The following ATP13A4 variants were observed in gnomAD, a reference collection of about 807,000 sequenced individuals.
The protein encoded by ATP13A4 is probable cation-transporting ATPase 13A4.
ATP13A4 carries 114 observed loss-of-function variants against 142.5 expected under a neutral mutation model. The observed-to-expected ratio is 0.80, with a 90% CI of 0.69 to 0.93. The LOEUF (loss-of-function observed/expected upper bound fraction) is 0.93, where lower values mean the gene tolerates loss of function less well. Among genes scored for constraint, ATP13A4 ranks in the 40% least tolerant of loss-of-function variants. The pLI, the probability that ATP13A4 is intolerant of heterozygous loss-of-function variation, is 0.00. For synonymous variants in ATP13A4, 488 were observed against 514.8 expected (o/e 0.95, Z 0.70); for missense variants, 1,392 against 1,454.0 (o/e 0.96, Z 0.69).
At chr3:193,457,355 G>T in intron 15 of ATP13A4, 24 bp downstream of exon 15, 1 of 1,611,626 alleles carries the variant, frequency 6.2e-7, no homozygotes, top group Non-Finnish European at 8.5e-7. Context: ...GGGTGTTGTG[G>T]GGTGAAGAGC....
chr3:193,592,958 C>A, intron 1 of ATP13A4: 1 of 201,038 alleles, frequency 5.0e-6, no homozygotes, highest in Non-Finnish European at 1.0e-5. Context: ...ATTCTCATTC[C>A]ACGCCTTTAG....
Position 193,440,641 on chromosome 3 carries a change from T to C in ATP13A4, c.2440-4A>G. ...AGATGGTCCCATTGATCAATATCTG[T>C]AAGGAACCCAAAATGGAGATTTTTT... On this transcript the variant is annotated splice_polypyrimidine_tract_variant and splice_region_variant and intron_variant, in intron 20 of 29. Transcript: ENST00000342695. The C allele has an allele frequency of 1.2e-6, 2 of 1,613,766 alleles. No homozygotes were observed. Among genetic ancestry groups the C allele is most frequent in the Non-Finnish European group, 1.7e-6 (2 of 1,179,698 alleles).
At chr3:193,569,868 T>G (rs943222539) in intron 2 of ATP13A4, among the ~76,000 whole-genome samples, 3 of 151,932 alleles carry the variant, frequency 2.0e-5, no homozygotes, top group Non-Finnish European at 4.4e-5. Context: ...AAATAAACCA[T>G]ATTAATGTAA....
intron 3 of ATP13A4, 81 bp downstream of exon 3, chr3:193,502,410 TAG>T: frequency 6.8e-7 from 1 of 1,475,312 alleles, no homozygotes; most frequent in East Asian, 2.3e-5. Flanking sequence ...ATTGGCACAG[TAG>T]AGGAGCTACA....
chr3:193,514,735 G>T lies in ATP13A4; in HGVS notation c.197C>A (p.Ser66Tyr), dbSNP rs758182971. 20 of 1,614,024 alleles carry T rather than the reference G, an allele frequency of 1.2e-5. No individual in the cohort carries two copies. Among genetic ancestry groups the T allele is most frequent in the Admixed American group, 5.0e-5 (3 of 60,002 alleles). The change falls in exon 2 of 30, where the codon TCC (serine) becomes TAC (tyrosine). Residue 66 changes from serine to tyrosine, a missense_variant. Physicochemically the swap from Ser to Tyr is moderately radical, Grantham distance 144. Transcript: ENST00000342695. Reference protein sequence around the residue: ...WHVWAHCVPCSLQEADTVLLR... With the variant: ...WHVWAHCVPCYLQEADTVLLR... ...CAACACAGTGTCTGCTTCTTGCAAG[G>T]AACATGGGACACAATGTGCCCATAC...
chr3:193,489,874 G>A lies in ATP13A4; in HGVS notation c.604-10C>T, dbSNP rs747125897. 1 of 1,611,812 alleles carries A rather than the reference G, an allele frequency of 6.2e-7. No homozygotes were observed. The highest frequency in any genetic ancestry group is 1.7e-5 in the Admixed American group (1 of 59,984). On this transcript the variant is annotated splice_polypyrimidine_tract_variant and intron_variant, in intron 6 of 29. Transcript: ENST00000342695. ...AAAATGGATTTAGAACCTGTTGGCA[G>A]ACATAAAAACAGGAAGACAAGGGAG... is the stretch of plus-strand genomic sequence containing the variant.
intron 7 of ATP13A4, among the ~76,000 whole-genome samples, chr3:193,487,643 C>T (rs954693314): frequency 2.0e-5 from 3 of 152,046 alleles, no homozygotes; most frequent in African/African-American, 7.2e-5. Flanking sequence ...GGCATTTTGA[C>T]AATATGTTTA....
At chr3:193,532,418 A>C (rs770885771) in intron 1 of ATP13A4, among the ~76,000 whole-genome samples, 4 of 147,604 alleles carry the variant, frequency 2.7e-5, no homozygotes, top group East Asian at 2.0e-4. Flanking sequence ...ACTTACAGAT[A>C]ATAGGCCCCC....
At chr3:193,467,977 G>A (rs1218300954) in intron 9 of ATP13A4, among the ~76,000 whole-genome samples, 5 of 152,050 alleles carry the variant, frequency 3.3e-5, no homozygotes, top group African/African-American at 4.8e-5. Context: ...TCAGGAGTTC[G>A]AGACCAGCCT....
rs572668882 is a variant in ATP13A4, at chr3:193,417,092, A to C, written c.2843-2342T>G. On this transcript the variant is annotated intron_variant, in intron 25 of 29. Transcript: ENST00000342695. ...CATTTAAGATGCTGAAAGAAAAAGA[A>C]AAAAACTATTGACTAAGAATTGTAT... The C allele has an allele frequency of 9.2e-5, 14 of 152,266 alleles. No homozygotes were observed. In the East Asian group the frequency reaches 2.7e-3, roughly 29 times the overall value. 9.4% of individuals were successfully genotyped at this position (152,266 alleles called of 1,614,324 possible). A position where few individuals can be genotyped will look rare whatever the true frequency, so the allele number is the denominator to read the frequency against.
chr3:193,451,830 T>A (rs1296123026), intron 17 of ATP13A4, among the ~76,000 whole-genome samples: 16 of 152,164 alleles, frequency 1.1e-4, no homozygotes. Context: ...GCAAGAATGT[T>A]CCATCCTAAT....
intron 1 of ATP13A4, among the ~76,000 whole-genome samples, chr3:193,540,675 T>A (rs1722845624): frequency 6.6e-6 from 1 of 151,674 alleles, no homozygotes; most frequent in African/African-American, 2.4e-5. Context: ...TATTAAATAC[T>A]ATTATATAGC....
chr3:193,411,115 G>T, intron 27 of ATP13A4, 45 bp from the exon 28 acceptor site: 1 of 1,291,546 alleles, frequency 7.7e-7, no homozygotes, highest in Non-Finnish European at 1.1e-6. Context: ...AAATCAGAGT[G>T]AAAAATGTCA....
In ATP13A4 at chr3:193,399,657, G is replaced by C. The variant is rs1263650689; in HGVS notation, c.*2995C>G. Among the ~76,000 whole-genome samples, 2 of 151,922 alleles carry C rather than the reference G, an allele frequency of 1.3e-5. No individual in the cohort carries two copies. The highest frequency in any genetic ancestry group is 4.8e-5 in the African/African-American group (2 of 41,360). On this transcript the variant is annotated 3_prime_UTR_variant, in exon 30 of 30. Coordinates refer to ENST00000342695, the MANE Select transcript of ATP13A4 (RefSeq NM_032279.4). ...AGGTCAGGAGATTGAAACCACCCTG[G>C]CTAACATGATGAAACCCCATCTCTA...
intron 29 of ATP13A4, among the ~76,000 whole-genome samples, chr3:193,405,317 C>G (rs568897783): frequency 6.6e-6 from 1 of 152,342 alleles, no homozygotes; most frequent in East Asian, 1.9e-4. Context: ...AATAAGTGGT[C>G]TAAGCCAAAT....
chr3:193,550,836 G>T (rs1190664108), intron 1 of ATP13A4, among the ~76,000 whole-genome samples: 4 of 152,172 alleles, frequency 2.6e-5, no homozygotes, highest in Non-Finnish European at 5.9e-5. Flanking sequence ...TTCCCCAAAA[G>T]ATTGATTGTG....
At chr3:193,580,089 G>A in intron 2 of ATP13A4, among the ~76,000 whole-genome samples, 1 of 152,146 alleles carries the variant, frequency 6.6e-6, no homozygotes, top group Non-Finnish European at 1.5e-5. Flanking sequence ...TAAAAAGGAA[G>A]AAGTTCTAGC....
chr3:193,414,822 G>A (rs1473602334), intron 25 of ATP13A4, 72 bp from the exon 26 acceptor site: 2 of 1,454,250 alleles, frequency 1.4e-6, no homozygotes, highest in African/African-American at 2.8e-5. Context: ...AATGGCATAA[G>A]TTCATTGGCC....
intron 2 of ATP13A4, among the ~76,000 whole-genome samples, chr3:193,566,193 C>T (rs947042495): frequency 2.6e-5 from 4 of 152,152 alleles, no homozygotes; most frequent in African/African-American, 9.7e-5. Context: ...TGCCCTTGTT[C>T]TCCTAACCTA....
Sources: allele counts gnomAD v4.1 joint callset (sites outside exome capture counted in the v4.1 genomes callset), GRCh38; gene constraint gnomAD v4.1.1; transcripts MANE v1.5; gene names NCBI Gene and HGNC (gene_info 2026-07-23, HGNC 2026-07-21).